KAZN: variants seen among roughly 807,000 people sequenced by gnomAD.
KAZN encodes the protein kazrin.
KAZN carries 40 observed loss-of-function variants against 87.4 expected under a neutral mutation model. The observed-to-expected ratio is 0.46, with a 90% confidence interval of 0.36 to 0.60. KAZN has a LOEUF of 0.60. KAZN is among the 20% of genes least tolerant of loss of function. The pLI is 0.00. For synonymous variants in KAZN, 466 were observed against 458.3 expected, an observed-to-expected ratio of 1.02 and a Z score of -0.22; for missense variants, 898 against 1,073.9, an observed-to-expected ratio of 0.84 and a Z score of 2.29.
intron 1 of KAZN, among the ~76,000 whole-genome samples, chr1:14,665,307 C>T (rs10927490): frequency 0.2 from 30,678 of 150,880 alleles, 3,188 homozygotes; most frequent in South Asian, 0.27. Flanking sequence ...TTTTTTATTA[C>T]TGCTGTTGCA....
At chr1:14,884,620 C>G (rs1653839191) in intron 1 of KAZN, among the ~76,000 whole-genome samples, 1 of 152,214 alleles carries the variant, frequency 6.6e-6, no homozygotes, top group Admixed American at 6.5e-5. Context: ...TAGAGCAGAG[C>G]TTCTCAAACT....
rs193200769 is a variant in KAZN, at chr1:14,183,546, C to T, written c.249+2954C>T. 8.5e-5 allele frequency among the ~76,000 whole-genome samples: 13 copies of T among 152,166 alleles called. No individual in the cohort carries two copies. The East Asian group carries it at 1.5e-3, about 18-fold the overall frequency. On this transcript the variant is annotated intron_variant, in intron 2 of 16. Coordinates refer to the KAZN transcript ENST00000636203. ...TTGATTCCTGAGAGCCCTGTCTAAA[C>T]CCAAAATGCCGACTCAGCCTCCTAA...
At position 14,418,824 on chromosome 1, in the gene KAZN, T is replaced by G. The variant is rs933672279; in HGVS notation, c.250-180159T>G. 2.0e-5 allele frequency among the ~76,000 whole-genome samples: 3 copies of G among 152,278 alleles called. No homozygotes were observed. The South Asian group carries it at 6.2e-4, about 32-fold the overall frequency. ...GCCTACAGAGAATCCCTCAGAGTCT[T>G]GTGAGTTTGGTTACCATGAGTCAGT... On this transcript the variant is annotated intron_variant, in intron 2 of 16. Coordinates refer to the KAZN transcript ENST00000636203.
At chr1:13,922,023 G>A (rs1640088259) in intron 1 of KAZN, among the ~76,000 whole-genome samples, 1 of 152,012 alleles carries the variant, frequency 6.6e-6, no homozygotes, top group Non-Finnish European at 1.5e-5. Context: ...TTTCCTTTTG[G>A]TGCTCTATAC....
chr1:14,244,614 G>A (rs1183590687), intron 2 of KAZN, among the ~76,000 whole-genome samples: 1 of 152,076 alleles, frequency 6.6e-6, no homozygotes, highest in Non-Finnish European at 1.5e-5. Flanking sequence ...ATGAAAGCTG[G>A]GGGAGGTAGG....
chr1:14,699,622 G>A (rs917543956), intron 1 of KAZN, among the ~76,000 whole-genome samples: 3 of 152,196 alleles, frequency 2.0e-5, no homozygotes, highest in African/African-American at 7.2e-5. Flanking sequence ...AGAGCGATGA[G>A]GAGCATGAAG....
At chr1:14,830,955 G>T (rs1647033090) in intron 1 of KAZN, among the ~76,000 whole-genome samples, 1 of 152,192 alleles carries the variant, frequency 6.6e-6, no homozygotes, top group African/African-American at 2.4e-5. Flanking sequence ...ATGTCAGGAT[G>T]TGCCTGTTCC....
chr1:14,638,446 GT>G (rs1680163342), intron 1 of KAZN, among the ~76,000 whole-genome samples: 1 of 151,998 alleles, frequency 6.6e-6, no homozygotes, highest in Admixed American at 6.5e-5. Flanking sequence ...GCTCATGCCT[GT>G]AATCCCAGCT....
intron 1 of KAZN, among the ~76,000 whole-genome samples, chr1:14,172,734 C>T (rs1454753961): frequency 6.6e-6 from 1 of 152,232 alleles, no homozygotes; most frequent in Non-Finnish European, 1.5e-5. Flanking sequence ...TGGCTGGTGC[C>T]ATGGCAAGGG....
intron 2 of KAZN, among the ~76,000 whole-genome samples, chr1:14,379,917 C>T (rs547994219): frequency 2.3e-4 from 35 of 152,052 alleles, no homozygotes; most frequent in African/African-American, 4.3e-4. Context: ...GGGCCTTAGG[C>T]GAGACCCAGT....
rs536758647 is a variant in KAZN, at chr1:15,011,236, A to G, written c.419-23513A>G. Among the ~76,000 whole-genome samples, 35 of 152,340 alleles carry G rather than the reference A, an allele frequency of 2.3e-4. 2 individuals are homozygous for G. In the South Asian group the frequency reaches 6.6e-3, roughly 29 times the overall value. On this transcript the variant is annotated intron_variant, in intron 2 of 14. Transcript: ENST00000376030. ...TGCTTATGTAGCCAGTTAGGGTAAG[A>G]GCCCAGGTGCTGCACCCAAAAGCAA...
intron 1 of KAZN, among the ~76,000 whole-genome samples, chr1:14,716,538 T>G (rs1006197550): frequency 6.6e-6 from 1 of 152,176 alleles, no homozygotes; most frequent in East Asian, 1.9e-4. Flanking sequence ...GTAACCTCCC[T>G]GTCGGCAGCC....
intron 2 of KAZN, among the ~76,000 whole-genome samples, chr1:14,985,715 A>G (rs1293114811): frequency 6.6e-6 from 1 of 152,064 alleles, no homozygotes; most frequent in Non-Finnish European, 1.5e-5. Context: ...TGAAAGACCC[A>G]CAGAAGTGCC....
intron 2 of KAZN, among the ~76,000 whole-genome samples, chr1:14,287,821 A>G (rs1653371757): frequency 1.3e-5 from 2 of 152,222 alleles, no homozygotes; most frequent in African/African-American, 2.4e-5. Flanking sequence ...TGGGTTTGTC[A>G]TAAATAGTTC....
intron 1 of KAZN, among the ~76,000 whole-genome samples, chr1:14,082,832 G>A (rs1310188462): frequency 6.6e-6 from 1 of 152,068 alleles, no homozygotes; most frequent in Non-Finnish European, 1.5e-5. Context: ...ACCTCTCTAA[G>A]TACCCCTCCC....
chr1:14,208,900 C>A (rs978445369), intron 2 of KAZN, among the ~76,000 whole-genome samples: 16 of 152,316 alleles, frequency 1.1e-4, no homozygotes, highest in South Asian at 8.3e-4. Flanking sequence ...TGCCCCACAA[C>A]CCCCTTGAGA....
intron 2 of KAZN, among the ~76,000 whole-genome samples, chr1:14,219,096 A>C (rs1185231279): frequency 6.6e-6 from 1 of 152,192 alleles, no homozygotes; most frequent in East Asian, 1.9e-4. Context: ...TGTTTTCTTC[A>C]ACAAATAAAT....
chr1:14,525,134 A>G (rs774395633), intron 2 of KAZN, among the ~76,000 whole-genome samples: 1 of 152,230 alleles, frequency 6.6e-6, no homozygotes, highest in South Asian at 2.1e-4. Flanking sequence ...ATATGTATGG[A>G]CGTGTGTTTG....
intron 2 of KAZN, among the ~76,000 whole-genome samples, chr1:14,372,642 A>G (rs1660585920): frequency 6.6e-6 from 1 of 152,232 alleles, no homozygotes; most frequent in Non-Finnish European, 1.5e-5. Context: ...TAACGGGAAT[A>G]TTCAGTCAGC....
Sources: allele counts gnomAD v4.1 joint callset (sites outside exome capture counted in the v4.1 genomes callset), GRCh38; gene constraint gnomAD v4.1.1; transcripts MANE v1.5; gene names NCBI Gene and HGNC (gene_info 2026-07-23, HGNC 2026-07-21).